Variants in KIRREL3 observed in about 807,000 individuals in gnomAD.
KIRREL3 encodes kin of IRRE-like protein 3.
A neutral mutation model predicts 89.7 loss-of-function variants in KIRREL3; 36 were observed. That is an observed-to-expected ratio of 0.40 (90% CI 0.31 to 0.53). The LOEUF is 0.53. KIRREL3 is among the 20% of genes least tolerant of loss of function. KIRREL3 has a pLI of 0.49. For missense variants in KIRREL3, 864 were observed against 1,056.6 expected (o/e 0.82, Z 2.53); for synonymous variants, 445 against 441.4 (o/e 1.01, Z -0.10).
intron 1 of KIRREL3, among the ~76,000 whole-genome samples, chr11:126,821,259 C>T (rs904972398): frequency 1.3e-5 from 2 of 150,282 alleles, no homozygotes; most frequent in Admixed American, 1.3e-4. Context: ...GGGGACACCC[C>T]CCAGCAGTGC....
intron 1 of KIRREL3, among the ~76,000 whole-genome samples, chr11:126,646,170 G>A (rs2134952268): frequency 6.6e-6 from 1 of 152,254 alleles, no homozygotes; most frequent in Admixed American, 6.5e-5. Flanking sequence ...TGATCGCCCA[G>A]TGGGTCCCCC....
In KIRREL3 at chr11:126,530,894, G is replaced by C. The variant is rs960998338; in HGVS notation, c.134-4207C>G. 3.3e-5 allele frequency among the ~76,000 whole-genome samples: 5 copies of C among 151,746 alleles called. No individual in the cohort carries two copies. The highest frequency in any genetic ancestry group is 1.2e-4 in the African/African-American group (5 of 41,268). On this transcript the variant is annotated intron_variant, in intron 2 of 16. Coordinates refer to ENST00000525144, the MANE Select transcript of KIRREL3 (RefSeq NM_032531.4). This position sits in a 1 kb window ranked among gnomAD's most constrained non-coding sequence, Gnocchi z 5.8. ...TGCCCAGGCTGGAGTGCAGTGGTGC[G>C]ATCTCCGCTCATTGCAACCTTTGCC...
chr11:126,448,130 A>G (rs780747071), intron 8 of KIRREL3, among the ~76,000 whole-genome samples: 6 of 152,044 alleles, frequency 3.9e-5, no homozygotes, highest in Non-Finnish European at 8.8e-5. Context: ...TAAAAATACA[A>G]AAATTATCTG....
At chr11:126,823,652 A>G (rs1383655070) in intron 1 of KIRREL3, among the ~76,000 whole-genome samples, 2 of 152,186 alleles carry the variant, frequency 1.3e-5, no homozygotes, top group Non-Finnish European at 2.9e-5. Context: ...TTGGATAAAT[A>G]GGGAGAAATC....
chr11:126,910,645 C>T (rs6590235), intron 1 of KIRREL3, among the ~76,000 whole-genome samples: 27,162 of 152,178 alleles, frequency 0.18, 3,502 homozygotes, highest in African/African-American at 0.38. Flanking sequence ...ATGAGGAAAT[C>T]GGGCAAGTTT....
rs984187310 is a variant in KIRREL3 at position 126,689,861 on chromosome 11, A to G, written c.56-126949T>C. On this transcript the variant is annotated intron_variant, in intron 1 of 16. Coordinates refer to ENST00000525144, the MANE Select transcript of KIRREL3 (RefSeq NM_032531.4). This position sits in a 1 kb window ranked among gnomAD's most constrained non-coding sequence, Gnocchi z 5.2. ...GCCCTTGGCAGGTAAGTGAATAAAT[A>G]TGGGAAGACATTTGCTATTAACTGC... Among the ~76,000 whole-genome samples, 1 of 152,224 alleles carries G rather than the reference A, an allele frequency of 6.6e-6. No homozygotes were observed. The highest frequency in any genetic ancestry group is 1.5e-5 in the Non-Finnish European group (1 of 68,030).
intron 1 of KIRREL3, among the ~76,000 whole-genome samples, chr11:126,820,937 C>T (rs535211322): frequency 6.6e-5 from 10 of 152,136 alleles, no homozygotes; most frequent in African/African-American, 2.4e-4. Flanking sequence ...CTGGCGTGCC[C>T]CCAAGGTGCT....
intron 1 of KIRREL3, among the ~76,000 whole-genome samples, chr11:126,923,257 TCTTCTTCTTCTCCTTCTCCTTCTC>T (rs1947523705): frequency 3.5e-5 from 3 of 85,462 alleles, no homozygotes; most frequent in African/African-American, 1.1e-4. Context: ...TTCTTCTTCT[TCTTCTTCTTCTCCTTCTCCTTCTC>T]CTTCTCCTTC....
At chr11:126,889,413 T>C (rs367917951) in intron 1 of KIRREL3, among the ~76,000 whole-genome samples, 1 of 152,372 alleles carries the variant, frequency 6.6e-6, no homozygotes, top group African/African-American at 2.4e-5. Flanking sequence ...CATTCCTTTC[T>C]ACTGCTGAGG....
At chr11:126,741,683 G>A (rs1191450395) in intron 1 of KIRREL3, among the ~76,000 whole-genome samples, 1 of 152,232 alleles carries the variant, frequency 6.6e-6, no homozygotes, top group Admixed American at 6.5e-5. Flanking sequence ...TGCATAGAAA[G>A]GAGAGATCCC....
intron 1 of KIRREL3, among the ~76,000 whole-genome samples, chr11:126,654,719 C>T (rs961248181): frequency 6.6e-6 from 1 of 152,148 alleles, no homozygotes; most frequent in Non-Finnish European, 1.5e-5. Flanking sequence ...AGGTCTGAGC[C>T]CCTCAGACTC....
At chr11:126,572,891 G>T (rs71475968) in intron 1 of KIRREL3, among the ~76,000 whole-genome samples, 8,627 of 152,292 alleles carry the variant, frequency 0.057, 281 homozygotes, top group Non-Finnish European at 0.081. Flanking sequence ...TGACTTTAAA[G>T]AATTGATCAC....
rs989511258 is a variant in KIRREL3 at position 126,641,724 on chromosome 11, G to T, written c.56-78812C>A. Among the ~76,000 whole-genome samples the T allele has an allele frequency of 6.6e-6, 1 of 152,010 alleles. No individual in the cohort carries two copies. Among genetic ancestry groups the T allele is most frequent in the Non-Finnish European group, 1.5e-5 (1 of 68,006 alleles). On this transcript the variant is annotated intron_variant, in intron 1 of 16. Transcript: ENST00000525144. This position sits in a 1 kb window ranked among gnomAD's most constrained non-coding sequence, Gnocchi z 5.0. ...TCTCCTTCTCTCTTTGTACCCAGAG[G>T]CTCCAGCATATTTGCATAGCATTTA... is the stretch of plus-strand genomic sequence containing the variant.
At position 126,526,626 on chromosome 11, in the gene KIRREL3, C is replaced by T. The variant is rs1958764054; in HGVS notation, c.195G>A (p.Val65=). ...QDQVVVSGQP[V]TLLCAIPEYD... is the part of the protein sequence containing the mutation. Reference sequence around the variant, plus strand: ...ATTCGGGGATGGCGCAAAGTAGCGTCACTGGCTGTCCCGACACCACCACCT... The same window carrying T: ...ATTCGGGGATGGCGCAAAGTAGCGTTACTGGCTGTCCCGACACCACCACCT... Residue 65 remains valine, a synonymous_variant, in exon 3 of 17, where the codon GTG becomes GTA. Coordinates refer to ENST00000525144, the MANE Select transcript of KIRREL3 (RefSeq NM_032531.4). This position sits in a 1 kb window ranked among gnomAD's most constrained non-coding sequence, Gnocchi z 5.7. 6.3e-7 allele frequency: 1 copy of T among 1,597,606 alleles called. No individual in the cohort carries two copies. Among genetic ancestry groups the T allele is most frequent in the African/African-American group, 1.3e-5 (1 of 74,562 alleles).
chr11:126,593,454 C>G lies in KIRREL3; in HGVS notation c.56-30542G>C, dbSNP rs80005725. On this transcript the variant is annotated intron_variant, in intron 1 of 16. Coordinates refer to ENST00000525144, the MANE Select transcript of KIRREL3 (RefSeq NM_032531.4). ...ACTGTGGGGACCAGGGAGGGGCCCT[C>G]GTGCTAAGTGGATGCAGTAGGCAGG... Among the ~76,000 whole-genome samples the G allele has an allele frequency of 2.6e-3, 398 of 152,296 alleles. 4 individuals are homozygous for G. The highest frequency in any genetic ancestry group is 7.4e-3 in the African/African-American group (308 of 41,548).
chr11:126,979,714 G>A (rs1029252087), intron 1 of KIRREL3, among the ~76,000 whole-genome samples: 1 of 152,206 alleles, frequency 6.6e-6, no homozygotes, highest in Non-Finnish European at 1.5e-5. Flanking sequence ...CCTTCATAGT[G>A]TTTCTGTGAA....
intron 5 of KIRREL3, among the ~76,000 whole-genome samples, chr11:126,466,193 C>A (rs766542931): frequency 6.6e-6 from 1 of 152,190 alleles, no homozygotes. Context: ...TGGGTCCAGG[C>A]GTGTGCTTTT....
At chr11:126,659,394 A>AT (rs1945294039) in intron 1 of KIRREL3, among the ~76,000 whole-genome samples, 1 of 152,212 alleles carries the variant, frequency 6.6e-6, no homozygotes, top group Non-Finnish European at 1.5e-5. Context: ...ACTATTAGTT[A>AT]TTATTAGTTA....
At position 126,523,719 on chromosome 11, in the gene KIRREL3, C is replaced by T. The variant is rs1450572385; in HGVS notation, c.284-2255G>A. ...TTCTAGCCCAATCCTCTCCCTGCTGCCGCTGCCTTCCTTGTAGCTGGCTGG... is the reference window on the plus strand; with the variant it reads ...TTCTAGCCCAATCCTCTCCCTGCTGTCGCTGCCTTCCTTGTAGCTGGCTGG... On this transcript the variant is annotated intron_variant, in intron 3 of 16. Transcript: ENST00000525144. This position sits in a 1 kb window ranked among gnomAD's most constrained non-coding sequence, Gnocchi z 4.9. Among the ~76,000 whole-genome samples, 1 of 152,190 alleles carries T rather than the reference C, an allele frequency of 6.6e-6. No homozygotes were observed. Among genetic ancestry groups the T allele is most frequent in the South Asian group, 2.1e-4 (1 of 4,832 alleles).
Sources: allele counts gnomAD v4.1 joint callset (sites outside exome capture counted in the v4.1 genomes callset), GRCh38; gene constraint gnomAD v4.1.1; non-coding constraint Gnocchi (gnomAD v3.1); transcripts MANE v1.5; gene names NCBI Gene and HGNC (gene_info 2026-07-23, HGNC 2026-07-21).